Variants in CACNA1G observed in about 807,000 individuals in gnomAD.
CACNA1G encodes the protein voltage-dependent T-type calcium channel subunit alpha-1G.
In CACNA1G, 67 loss-of-function variants were observed where a neutral mutation model predicts 219.4. That is an observed-to-expected ratio of 0.31 (90% CI 0.25 to 0.37). The LOEUF (loss-of-function observed/expected upper bound fraction) is 0.37, where lower values mean the gene tolerates loss of function less well. Among genes scored for constraint, CACNA1G ranks in the 10% least tolerant of loss-of-function variants. The probability of loss-of-function intolerance (pLI) is 1.00; values close to 1 mark genes in which losing one functional copy is unlikely to be tolerated. For missense variants in CACNA1G, 2,380 were observed against 3,231.4 expected (o/e 0.74, Z 6.39); for synonymous variants, 1,296 against 1,345.3 (o/e 0.96, Z 0.80).
In CACNA1G at chr17:50,599,626, C is replaced by T; in HGVS notation, c.3457C>T (p.Pro1153Ser). 3.1e-6 allele frequency: 5 copies of T among 1,612,970 alleles called. No homozygotes were observed. Among genetic ancestry groups the T allele is most frequent in the Non-Finnish European group, 4.2e-6 (5 of 1,179,512 alleles). Residue 1153 changes from proline to serine, a missense_variant, in exon 17 of 38, where the codon CCT becomes TCT. Physicochemically the swap from Pro to Ser is moderately conservative, Grantham distance 74. Transcript: ENST00000359106. ...EESSEEERASPAGSDHRHRGS... is the reference protein window; with the variant it reads ...EESSEEERASSAGSDHRHRGS... The stretch of plus-strand genomic sequence containing the variant: ...GAGCTCAGAAGAGGAGCGGGCCAGC[C>T]CTGCGGGCAGTGACCATCGCCACAG...
intron 16 of CACNA1G, 110 bp downstream of exon 16, chr17:50,597,033 T>A: frequency 2.9e-6 from 3 of 1,039,034 alleles, no homozygotes; most frequent in Non-Finnish European, 4.1e-6. Context: ...CCCCATGGGC[T>A]GGATGGGGCC....
In CACNA1G at chr17:50,626,366, A is replaced by C. The variant is rs767883229; in HGVS notation, c.6749A>C (p.Glu2250Ala). 10 of 1,612,532 alleles carry C rather than the reference A, an allele frequency of 6.2e-6. No individual in the cohort carries two copies. The South Asian group carries it at 8.8e-5, about 14-fold the overall frequency. Residue 2250 changes from glutamate (E) to alanine (A), a missense_variant, in exon 38 of 38, where the codon GAG becomes GCG. Physicochemically the swap from Glu to Ala is moderately radical, Grantham distance 107 (BLOSUM62 -1). Transcript: ENST00000359106. This position sits in a 1 kb window ranked among gnomAD's most constrained non-coding sequence, Gnocchi z 4.3. Reference sequence around the variant, plus strand: ...GACCTGAAGAAGTGCTACAGCGTGGAGGCCCAGAGCTGCCAGCGCCGGCCT... The same window carrying C: ...GACCTGAAGAAGTGCTACAGCGTGGCGGCCCAGAGCTGCCAGCGCCGGCCT... Reference protein sequence around the residue: ...PRDLKKCYSVEAQSCQRRPTS... With the variant: ...PRDLKKCYSVAAQSCQRRPTS...
rs1427552213 is a variant in CACNA1G at position 50,625,001 on chromosome 17, G to A, written c.6399+472G>A. ...GAGTTTCGCTCTTGTTGCCCAGGCT[G>A]GAGTGCAATGGCACAATCTTGGCTC... On this transcript the variant is annotated intron_variant, in intron 37 of 37. Transcript: ENST00000359106. Among the ~76,000 whole-genome samples, 12 of 142,044 alleles carry A rather than the reference G, an allele frequency of 8.4e-5. No homozygotes were observed. In the Admixed American group the frequency reaches 9.1e-4, roughly 11 times the overall value. The allele number at this position is 142,044 out of a possible 152,430, so 93.2% of individuals were successfully genotyped here.
rs73340253 is a variant in CACNA1G at position 50,597,727 on chromosome 17, G to A, written c.3258+804G>A. On this transcript the variant is annotated intron_variant, in intron 16 of 37. Coordinates refer to ENST00000359106, the MANE Select transcript of CACNA1G (RefSeq NM_018896.5). ...GCCATCATGCTGTGCAATAAATCTC[G>A]AAAATTGATTCCTCCTGTCCAACTG... 2.3e-3 allele frequency among the ~76,000 whole-genome samples: 346 copies of A among 152,224 alleles called. 2 individuals are homozygous for A. The highest frequency in any genetic ancestry group is 8.1e-3 in the African/African-American group (338 of 41,526).
rs574473995 is a variant in CACNA1G at position 50,598,726 on chromosome 17, C to T, written c.3259-702C>T. Among the ~76,000 whole-genome samples the T allele has an allele frequency of 5.3e-5, 8 of 152,266 alleles. No homozygotes were observed. The South Asian group carries it at 1.2e-3, about 24-fold the overall frequency. ...GTGACGTTGAGCATTTCTTCATGTACCTGTTGGCCATCTGTGTCTCCTTTT... is the reference window on the plus strand; with the variant it reads ...GTGACGTTGAGCATTTCTTCATGTATCTGTTGGCCATCTGTGTCTCCTTTT... On this transcript the variant is annotated intron_variant, in intron 16 of 37. Coordinates refer to ENST00000359106, the MANE Select transcript of CACNA1G (RefSeq NM_018896.5).
chr17:50,599,759 A>C lies in CACNA1G; in HGVS notation c.3590A>C (p.Gln1197Pro), dbSNP rs1283854421. The part of the protein sequence containing the change: ...ASGRGSASEH[Q>P]DCNGKSASGR... ...GGCCGAGGGTCTGCTTCTGAGCACC[A>C]GGACTGCAATGGCAAGTCGGCTTCA... is the stretch of plus-strand genomic sequence containing the variant. The change falls in exon 17 of 38, where the codon CAG becomes CCG. Residue 1197 changes from glutamine to proline, a missense_variant. Physicochemically the swap from Gln to Pro is moderately conservative, Grantham distance 76. Around this residue, in one of 17 missense-constraint regions of CACNA1G, gnomAD observed 418 missense variants for 434.3 expected, o/e 0.96. Coordinates refer to ENST00000359106, the MANE Select transcript of CACNA1G (RefSeq NM_018896.5). 6.2e-7 allele frequency: 1 copy of C among 1,613,664 alleles called. No homozygotes were observed. Among genetic ancestry groups the C allele is most frequent in the South Asian group, 1.1e-5 (1 of 91,080 alleles).
At position 50,576,142 on chromosome 17, in the gene CACNA1G, C is replaced by T. The variant is rs540574998; in HGVS notation, c.1740C>T (p.Ser580=). 5.4e-5 allele frequency: 87 copies of T among 1,607,300 alleles called. No homozygotes were observed. In the South Asian group the frequency reaches 6.2e-4, roughly 12 times the overall value. Residue 580 remains serine, a synonymous_variant, in exon 8 of 38, where the codon TCC becomes TCT. Coordinates refer to ENST00000359106, the MANE Select transcript of CACNA1G (RefSeq NM_018896.5). ...CTCCCAGGTCCCCATCTGAGGCATC[C>T]GGCAGGACTGTGGGCAGCGGGAAGG... ...APPPRSPSEA[S]GRTVGSGKVY... is the part of the protein sequence containing the mutation.
chr17:50,574,189 G>C (rs1203314393), intron 7 of CACNA1G, among the ~76,000 whole-genome samples: 1 of 151,622 alleles, frequency 6.6e-6, no homozygotes, highest in East Asian at 2.0e-4. Flanking sequence ...GGCTGGGGCT[G>C]AGAATTCAGT....
chr17:50,575,861 C>A lies in CACNA1G; in HGVS notation c.1459C>A (p.Arg487Ser), dbSNP rs762233484. The A allele has an allele frequency of 3.2e-6, 5 of 1,550,316 alleles. No homozygotes were observed. The Admixed American group carries it at 7.8e-5, about 24-fold the overall frequency. The change falls in exon 8 of 38, where the codon CGC becomes AGC. Residue 487 changes from arginine (R) to serine (S), a missense_variant. Transcript: ENST00000359106. ...QPSSSCSRSH[R>S]RLSVHHLVHH... ...CAGCAGCAGCTGCTCTCGCTCCCAC[C>A]GCCGCCTATCCGTCCACCACCTGGT...
intron 1 of CACNA1G, among the ~76,000 whole-genome samples, chr17:50,566,539 G>C (rs1480094638): frequency 6.6e-6 from 1 of 152,216 alleles, no homozygotes; most frequent in African/African-American, 2.4e-5. Flanking sequence ...GAGGCCTCCA[G>C]TCTGAGCCTG....
chr17:50,591,721 G>GC lies in CACNA1G; in HGVS notation c.2640-13dup. 6.2e-7 allele frequency: 1 copy of GC among 1,613,068 alleles called. No homozygotes were observed. Among genetic ancestry groups the GC allele is most frequent in the Non-Finnish European group, 8.5e-7 (1 of 1,179,150 alleles). ...ACTGGGCTCTGATCCCTAGCTTGTG[G>GC]CCCCCTTGTGCCCACAGCATCCTGG... On this transcript the variant is annotated splice_polypyrimidine_tract_variant and intron_variant, in intron 11 of 37. Transcript: ENST00000359106.
At chr17:50,581,818 C>G (rs774295362) in intron 9 of CACNA1G, among the ~76,000 whole-genome samples, 2 of 152,222 alleles carry the variant, frequency 1.3e-5, no homozygotes, top group African/African-American at 4.8e-5. Flanking sequence ...CCGCTCAGGG[C>G]GGTACATGGA....
chr17:50,577,443 G>A (rs377446380), intron 8 of CACNA1G, among the ~76,000 whole-genome samples: 1 of 149,356 alleles, frequency 6.7e-6, no homozygotes, highest in African/African-American at 2.5e-5. Flanking sequence ...GTGTGCGCAC[G>A]AGTGCATCTA....
intron 28 of CACNA1G, among the ~76,000 whole-genome samples, chr17:50,616,756 A>C (rs1006347871): frequency 6.6e-6 from 1 of 152,240 alleles, no homozygotes; most frequent in East Asian, 1.9e-4. Context: ...TCTGTGCCTC[A>C]GTTTCCTCAT....
chr17:50,588,384 C>T (rs1356665071), intron 9 of CACNA1G, among the ~76,000 whole-genome samples: 2 of 48,346 alleles, frequency 4.1e-5, no homozygotes, highest in Admixed American at 2.3e-4. Flanking sequence ...GGTCCATGTT[C>T]ATTTTAATCT....
At chr17:50,582,339 T>G (rs2042132252) in intron 9 of CACNA1G, among the ~76,000 whole-genome samples, 1 of 152,142 alleles carries the variant, frequency 6.6e-6, no homozygotes, top group Non-Finnish European at 1.5e-5. Context: ...CAGTTCATAC[T>G]ACATCTTCAT....
intron 9 of CACNA1G, among the ~76,000 whole-genome samples, chr17:50,582,616 A>C (rs1464766958): frequency 6.6e-6 from 1 of 152,122 alleles, no homozygotes; most frequent in Non-Finnish European, 1.5e-5. Context: ...CTGGCTCTGC[A>C]CTGGGGCCAG....
At chr17:50,611,814 T>C (rs1268048412) in intron 26 of CACNA1G, among the ~76,000 whole-genome samples, 5 of 152,074 alleles carry the variant, frequency 3.3e-5, no homozygotes, top group African/African-American at 1.2e-4. Context: ...ACATGCAGAC[T>C]CTCATGGCTC....
intron 22 of CACNA1G, among the ~76,000 whole-genome samples, chr17:50,605,670 C>T (rs1202980234): frequency 6.6e-6 from 1 of 152,204 alleles, no homozygotes; most frequent in Non-Finnish European, 1.5e-5. Flanking sequence ...CCGCCTCCAC[C>T]CTTTCCCACT....
Sources: allele counts gnomAD v4.1 joint callset (sites outside exome capture counted in the v4.1 genomes callset), GRCh38; gene constraint gnomAD v4.1.1; regional missense constraint gnomAD v4.1.1; non-coding constraint Gnocchi (gnomAD v3.1); transcripts MANE v1.5; gene names NCBI Gene and HGNC (gene_info 2026-07-23, HGNC 2026-07-21).